IFNLR1: variants seen among roughly 807,000 people sequenced by gnomAD.
The protein encoded by IFNLR1 is CRF2-12.
Under a neutral mutation model 52.5 loss-of-function variants are expected in IFNLR1, and 28 were observed. That is an observed-to-expected ratio of 0.53 (90% confidence interval 0.40 to 0.73). The LOEUF is 0.73. IFNLR1 is among the 30% of genes least tolerant of loss of function. The pLI is 0.00. For synonymous variants in IFNLR1, 276 were observed against 274.9 expected, an observed-to-expected ratio of 1.00 and a Z score of -0.04; for missense variants, 623 against 659.1, an observed-to-expected ratio of 0.95 and a Z score of 0.60.
intron 2 of IFNLR1, among the ~76,000 whole-genome samples, chr1:24,173,595 T>TCCCC (rs1644602873): frequency 6.8e-6 from 1 of 147,612 alleles, no homozygotes; most frequent in African/African-American, 2.7e-5. Context: ...CCATTTTTCT[T>TCCCC]CTCCCTCCCT....
chr1:24,180,853 C>T lies in IFNLR1; in HGVS notation c.60G>A (p.Gly20=), dbSNP rs1420408363. The stretch of plus-strand genomic sequence containing the variant: ...TCTGGGGAGGGGCCAGACGGGGCCT[C>T]CCTGGGGGAAAGAAAGGGGTCATGA... The part of the protein sequence containing the change: ...LLLCLLQAAP[G]RPRLAPPQNV... Residue 20 remains glycine (G), a splice_region_variant and synonymous_variant, in exon 2 of 7, where the codon GGG becomes GGA. Coordinates refer to ENST00000327535, the MANE Select transcript of IFNLR1 (RefSeq NM_170743.4). The T allele has an allele frequency of 3.7e-6, 6 of 1,612,758 alleles. No individual in the cohort carries two copies. The highest frequency in any genetic ancestry group is 1.7e-5 in the Admixed American group (1 of 59,938).
At chr1:24,178,800 T>C (rs1407329311) in intron 2 of IFNLR1, among the ~76,000 whole-genome samples, 1 of 152,204 alleles carries the variant, frequency 6.6e-6, no homozygotes, top group African/African-American at 2.4e-5. Flanking sequence ...CCTATTTGAA[T>C]AGTATGACTG....
chr1:24,186,544 G>A (rs1246295312), intron 1 of IFNLR1, among the ~76,000 whole-genome samples: 2 of 151,960 alleles, frequency 1.3e-5, no homozygotes, highest in African/African-American at 2.4e-5. Context: ...ATATCCTGGG[G>A]GCGATTTCTG....
chr1:24,169,363 A>G, intron 3 of IFNLR1, 54 bp downstream of exon 3: 1 of 1,524,750 alleles, frequency 6.6e-7, no homozygotes. Flanking sequence ...CACTGAGCAC[A>G]GCTCCCCGAT....
intron 2 of IFNLR1, among the ~76,000 whole-genome samples, chr1:24,178,696 A>G (rs1644658880): frequency 6.6e-6 from 1 of 152,206 alleles, no homozygotes; most frequent in African/African-American, 2.4e-5. Context: ...AATGATAATA[A>G]TAAACTAGCA....
At chr1:24,171,322 TA>T (rs1426079092) in intron 2 of IFNLR1, among the ~76,000 whole-genome samples, 1 of 152,194 alleles carries the variant, frequency 6.6e-6, no homozygotes, top group Non-Finnish European at 1.5e-5. Context: ...CAGAACTAAC[TA>T]AACAAATTGG....
At chr1:24,179,117 AT>A (rs1003979824) in intron 2 of IFNLR1, among the ~76,000 whole-genome samples, 136 of 144,274 alleles carry the variant, frequency 9.4e-4, no homozygotes, top group Middle Eastern at 3.6e-3. Flanking sequence ...AATTTTTTGT[AT>A]TTTTTTTTTT....
At chr1:24,169,326 G>T in intron 3 of IFNLR1, 91 bp downstream of exon 3, 1 of 1,238,444 alleles carries the variant, frequency 8.1e-7, no homozygotes, top group Non-Finnish European at 1.1e-6. Context: ...GTGGGAGACA[G>T]ATGGTCAGGA....
At chr1:24,185,541 C>T (rs1044305294) in intron 1 of IFNLR1, among the ~76,000 whole-genome samples, 6 of 152,214 alleles carry the variant, frequency 3.9e-5, no homozygotes, top group Admixed American at 3.9e-4. Context: ...CTGTCCCCAG[C>T]CTCGGCTGCC....
chr1:24,170,407 C>T (rs993433552), intron 2 of IFNLR1, among the ~76,000 whole-genome samples: 2 of 152,174 alleles, frequency 1.3e-5, no homozygotes, highest in Admixed American at 1.3e-4. Flanking sequence ...GTTGCCCAGG[C>T]TGGGGTGCAG....
chr1:24,175,056 C>CAGA (rs1329820255), intron 2 of IFNLR1, among the ~76,000 whole-genome samples: 2 of 152,182 alleles, frequency 1.3e-5, no homozygotes, highest in Non-Finnish European at 2.9e-5. Context: ...AGAGATGGGA[C>CAGA]AGAATGAAGG....
intron 2 of IFNLR1, among the ~76,000 whole-genome samples, chr1:24,179,513 G>A (rs932863161): frequency 2.0e-5 from 3 of 152,158 alleles, no homozygotes; most frequent in African/African-American, 7.2e-5. Context: ...GTCTGTCCCT[G>A]CTCAAGCCAG....
At chr1:24,171,265 A>G (rs989298334) in intron 2 of IFNLR1, among the ~76,000 whole-genome samples, 4 of 126,602 alleles carry the variant, frequency 3.2e-5, no homozygotes, top group African/African-American at 2.0e-4. Flanking sequence ...AAATACATAA[A>G]TAAATAAAGA....
In IFNLR1 at chr1:24,155,495, T is replaced by G. The variant is rs190250373; in HGVS notation, c.*1635A>C. The stretch of plus-strand genomic sequence containing the variant: ...GTAGTGGATCCCTCTAAACAAAACC[T>G]CACGTGGAAAGCCACAGTGTGTGAA... On this transcript the variant is annotated 3_prime_UTR_variant, in exon 7 of 7. Transcript: ENST00000327535. The G allele has an allele frequency of 2.6e-5, 4 of 152,298 alleles. No homozygotes were observed. Among genetic ancestry groups the G allele is most frequent in the Admixed American group, 6.5e-5 (1 of 15,304 alleles). The allele number at this position is 152,298 out of a possible 1,614,324, so 9.4% of individuals were successfully genotyped here. A position where few individuals can be genotyped will look rare whatever the true frequency, so the allele number is the denominator to read the frequency against.
At chr1:24,162,300 C>T (rs975817392) in intron 3 of IFNLR1, among the ~76,000 whole-genome samples, 5 of 152,168 alleles carry the variant, frequency 3.3e-5, no homozygotes, top group Middle Eastern at 3.2e-3. Context: ...TTTTTCATCA[C>T]GTTACCACTC....
chr1:24,162,876 TTTCCTTCCTTCCTTCCTTCC>T (rs752104875), intron 3 of IFNLR1, among the ~76,000 whole-genome samples: 703 of 22,526 alleles, frequency 0.031, 26 homozygotes, highest in South Asian at 0.072. Context: ...TCTTTCTTTC[TTTCCTTCCTTCCTTCCTTCC>T]TTCCTTCCTT....
At chr1:24,180,683 C>T (rs1312540702) in intron 2 of IFNLR1, 48 bp downstream of exon 2, 5 of 1,186,230 alleles carry the variant, frequency 4.2e-6, no homozygotes, top group Non-Finnish European at 5.9e-6. Context: ...CCAGCCCCCA[C>T]CCACCCCCTC....
At position 24,162,831 on chromosome 1, in the gene IFNLR1, T is replaced by TTTCTTTC. The variant is rs201014664; in HGVS notation, c.368-1148_368-1147insGAAAGAA. Among the ~76,000 whole-genome samples the TTTCTTTC allele has an allele frequency of 3.2e-3, 108 of 33,838 alleles. 5 individuals are homozygous for TTTCTTTC. Among genetic ancestry groups the TTTCTTTC allele is most frequent in the East Asian group, 0.014 (15 of 1,084 alleles). The allele number at this position is 33,838 out of a possible 152,430, so 22.2% of individuals were successfully genotyped here. On this transcript the variant is annotated intron_variant, in intron 3 of 6. Transcript: ENST00000327535. ...TCTTTCTTTTTTTCTTCTTTCTTTC[T>TTTCTTTC]TTTCTTTCTTTCTTTCTTTCTTTCT... is the stretch of plus-strand genomic sequence containing the variant.
chr1:24,180,671 C>CCG, intron 2 of IFNLR1, 60 bp downstream of exon 2: 1 of 1,249,092 alleles, frequency 8.0e-7, no homozygotes, highest in Non-Finnish European at 1.1e-6. Context: ...AGAGAAGCCC[C>CCG]TCCAGCCCCC....
Sources: gnomAD v4.1 joint callset for allele counts (sites outside exome capture counted in the v4.1 genomes callset) on GRCh38, gnomAD v4.1.1 for gene constraint, MANE v1.5 for transcripts, NCBI Gene and HGNC (gene_info 2026-07-23, HGNC 2026-07-21) for gene names.